Variants in PCDH9 observed in about 807,000 individuals in gnomAD.
PCDH9 encodes the protein protocadherin 9.
A neutral mutation model predicts 70.6 loss-of-function variants in PCDH9; 24 were observed. The observed-to-expected ratio is 0.34, with a 90% CI of 0.25 to 0.48. PCDH9 has a LOEUF of 0.48. Ranked by LOEUF, PCDH9 falls within the 20% of genes least tolerant of loss-of-function variation. PCDH9 has a pLI of 0.99. For synonymous variants in PCDH9, 562 were observed against 558.5 expected (o/e 1.01, Z -0.09); for missense variants, 1,281 against 1,503.6 (o/e 0.85, Z 2.45).
chr13:66,803,605 AG>A, intron 3 of PCDH9, among the ~76,000 whole-genome samples: 1 of 152,258 alleles, frequency 6.6e-6, no homozygotes, highest in Admixed American at 6.5e-5. Flanking sequence ...CTTCAGTACC[AG>A]GGCAGCAGGT....
intron 2 of PCDH9, among the ~76,000 whole-genome samples, chr13:67,134,484 A>G (rs2087183295): frequency 6.6e-6 from 1 of 152,124 alleles, no homozygotes; most frequent in African/African-American, 2.4e-5. Flanking sequence ...CAGCATTGAG[A>G]TGACCCTAGA....
chr13:66,544,935 A>C (rs1961121672), intron 4 of PCDH9, among the ~76,000 whole-genome samples: 1 of 152,164 alleles, frequency 6.6e-6, no homozygotes, highest in African/African-American at 2.4e-5. Flanking sequence ...AACAGAAAAC[A>C]AGTCTTGCAG....
intron 3 of PCDH9, among the ~76,000 whole-genome samples, chr13:66,721,823 G>C (rs2078944856): frequency 6.6e-6 from 1 of 151,968 alleles, no homozygotes; most frequent in African/African-American, 2.4e-5. Context: ...CTTTCTTTGT[G>C]CCCTTCCACT....
chr13:66,515,995 G>A (rs1386396915), intron 4 of PCDH9, among the ~76,000 whole-genome samples: 2 of 151,830 alleles, frequency 1.3e-5, no homozygotes, highest in East Asian at 1.9e-4. Context: ...ATACCCATTG[G>A]CTTTGCTGTC....
At chr13:66,694,375 GA>G (rs1488826049) in intron 3 of PCDH9, among the ~76,000 whole-genome samples, 2 of 152,162 alleles carry the variant, frequency 1.3e-5, no homozygotes, top group African/African-American at 4.8e-5. Context: ...TCAGTTAAGG[GA>G]AAAACATTAT....
At chr13:67,211,265 A>C (rs1334020918) in intron 2 of PCDH9, 1 of 151,992 alleles carries the variant, frequency 6.6e-6, no homozygotes, top group Non-Finnish European at 1.5e-5. Context: ...AATTATAGTA[A>C]TTACTTGGTG....
chr13:66,427,398 T>C (rs954138043), intron 4 of PCDH9, among the ~76,000 whole-genome samples: 3 of 151,806 alleles, frequency 2.0e-5, no homozygotes, highest in African/African-American at 7.2e-5. Flanking sequence ...TTTGCGTTTA[T>C]TCTTGCATAA....
At chr13:66,636,816 C>A (rs2077644303) in intron 3 of PCDH9, among the ~76,000 whole-genome samples, 1 of 151,824 alleles carries the variant, frequency 6.6e-6, no homozygotes, top group African/African-American at 2.4e-5. Flanking sequence ...TTATGATGAA[C>A]TAAAATACAA....
chr13:67,002,825 T>A (rs1351741345), intron 2 of PCDH9, among the ~76,000 whole-genome samples: 1 of 152,116 alleles, frequency 6.6e-6, no homozygotes, highest in African/African-American at 2.4e-5. Flanking sequence ...GTGTTCAAAA[T>A]GGGACATATT....
intron 4 of PCDH9, among the ~76,000 whole-genome samples, chr13:66,397,347 A>C (rs1957117318): frequency 1.3e-5 from 2 of 151,896 alleles, no homozygotes; most frequent in African/African-American, 4.8e-5. Context: ...TAAGTTCAGG[A>C]GGTCAAGGCT....
chr13:66,582,462 T>G, intron 4 of PCDH9, among the ~76,000 whole-genome samples: 1 of 151,828 alleles, frequency 6.6e-6, no homozygotes, highest in East Asian at 1.9e-4. Flanking sequence ...GCAAAACCCT[T>G]TCTCTACTAA....
Position 67,225,750 on chromosome 13 carries a change from A to C in PCDH9, c.2691T>G (p.His897Gln). 1 of 1,614,132 alleles carries C rather than the reference A, an allele frequency of 6.2e-7. No homozygotes were observed. Reference protein sequence around the residue: ...IEESKPDDAVHEPINGTISLP... With the variant: ...IEESKPDDAVQEPINGTISLP... The stretch of plus-strand genomic sequence containing the variant: ...GGCTTATTGTCCCATTGATAGGTTC[A>C]TGAACTGCATCATCGGGTTTGGACT... Residue 897 changes from histidine to glutamine, a missense_variant, in exon 2 of 5, where the codon CAT (histidine) becomes CAG (glutamine). Physicochemically the swap from His to Gln is conservative, Grantham distance 24. Coordinates refer to ENST00000377865, the MANE Select transcript of PCDH9 (RefSeq NM_203487.3).
intron 3 of PCDH9, among the ~76,000 whole-genome samples, chr13:66,669,911 GATC>G (rs936572925): frequency 2.6e-5 from 4 of 152,180 alleles, no homozygotes; most frequent in South Asian, 2.1e-4. Context: ...AAAAATAAAT[GATC>G]ATATTTGTTC....
chr13:66,796,457 T>A (rs887101046), intron 3 of PCDH9, among the ~76,000 whole-genome samples: 1 of 152,198 alleles, frequency 6.6e-6, no homozygotes, highest in Non-Finnish European at 1.5e-5. Flanking sequence ...ACCCCAGTTT[T>A]CTGCTGATAG....
At chr13:66,845,350 G>T (rs1451048929) in intron 3 of PCDH9, among the ~76,000 whole-genome samples, 1 of 152,224 alleles carries the variant, frequency 6.6e-6, no homozygotes, top group East Asian at 1.9e-4. Flanking sequence ...GTGAGCGTGT[G>T]TTCACCTGGC....
At chr13:66,474,332 T>C (rs1475264225) in intron 4 of PCDH9, among the ~76,000 whole-genome samples, 6 of 152,142 alleles carry the variant, frequency 3.9e-5, no homozygotes, top group Non-Finnish European at 8.8e-5. Context: ...AGGCAGGAAT[T>C]TCAATGGATA....
intron 4 of PCDH9, among the ~76,000 whole-genome samples, chr13:66,308,558 C>G (rs575852609): frequency 1.3e-5 from 2 of 152,108 alleles, no homozygotes; most frequent in South Asian, 2.1e-4. Flanking sequence ...ATGGGAGAAG[C>G]CTTTCAGGCA....
intron 2 of PCDH9, among the ~76,000 whole-genome samples, chr13:66,921,319 C>T (rs1443911939): frequency 6.6e-6 from 1 of 150,998 alleles, no homozygotes; most frequent in Non-Finnish European, 1.5e-5. Flanking sequence ...TGCAAGCAGA[C>T]ATTGTATTTA....
chr13:66,467,569 T>G (rs1439568419), intron 4 of PCDH9, among the ~76,000 whole-genome samples: 1 of 152,128 alleles, frequency 6.6e-6, no homozygotes, highest in Non-Finnish European at 1.5e-5. Context: ...TTTCTAAGAC[T>G]GAATTGTTGA....
Sources: allele counts gnomAD v4.1 joint callset (sites outside exome capture counted in the v4.1 genomes callset), GRCh38; gene constraint gnomAD v4.1.1; transcripts MANE v1.5; gene names NCBI Gene and HGNC (gene_info 2026-07-23, HGNC 2026-07-21).